SRRM3: variants seen among roughly 807,000 people sequenced by gnomAD.
SRRM3 encodes serine/arginine repetitive matrix 3.
SRRM3 carries 27 observed loss-of-function variants against 66.2 expected under a neutral mutation model. The observed-to-expected ratio is 0.41, with a 90% CI of 0.30 to 0.56. The LOEUF (loss-of-function observed/expected upper bound fraction) is 0.56, where lower values mean the gene tolerates loss of function less well. Among genes scored for constraint, SRRM3 ranks in the 20% least tolerant of loss-of-function variants. The pLI, the probability that SRRM3 is intolerant of heterozygous loss-of-function variation, is 0.32. For synonymous variants in SRRM3, 391 were observed against 414.9 expected, an observed-to-expected ratio of 0.94 and a Z score of 0.70; for missense variants, 918 against 991.9, an observed-to-expected ratio of 0.93 and a Z score of 1.00.
rs535361775 is a variant in SRRM3, at chr7:76,286,834, A to T, written c.*991A>T. On this transcript the variant is annotated 3_prime_UTR_variant, in exon 15 of 15. Coordinates refer to ENST00000611745, the MANE Select transcript of SRRM3 (RefSeq NM_001110199.3). ...CAGCTGACAGGTCAGCAGTGCCCCC[A>T]GCCCCACCCAAGAGGAGGGCAGCGT... is the stretch of plus-strand genomic sequence containing the variant. 6.6e-6 allele frequency: 1 copy of T among 152,488 alleles called. No individual in the cohort carries two copies. The highest frequency in any genetic ancestry group is 2.1e-4 in the South Asian group (1 of 4,834). The allele number at this position is 152,488 out of a possible 1,614,324, so 9.4% of individuals were successfully genotyped here.
intron 2 of SRRM3, among the ~76,000 whole-genome samples, chr7:76,242,571 G>A (rs1182149330): frequency 6.6e-6 from 1 of 152,018 alleles, no homozygotes; most frequent in African/African-American, 2.4e-5. Flanking sequence ...TGCATTTATT[G>A]TGCACTTTAT....
intron 2 of SRRM3, among the ~76,000 whole-genome samples, chr7:76,239,425 G>A (rs782383238): frequency 2.0e-5 from 3 of 152,162 alleles, no homozygotes; most frequent in Non-Finnish European, 4.4e-5. Flanking sequence ...TCCAGCCGCT[G>A]TGGCTCATGC....
intron 3 of SRRM3, among the ~76,000 whole-genome samples, chr7:76,258,196 G>A (rs1018884937): frequency 6.6e-6 from 1 of 152,184 alleles, no homozygotes; most frequent in Admixed American, 6.5e-5. Flanking sequence ...TGCCAGAGAT[G>A]AGCAGGGGGG....
At chr7:76,204,649 G>A (rs1281704857) in intron 1 of SRRM3, among the ~76,000 whole-genome samples, 2 of 152,166 alleles carry the variant, frequency 1.3e-5, no homozygotes, top group African/African-American at 4.8e-5. Flanking sequence ...ACATGGTGAA[G>A]GCAACTGAAG....
chr7:76,221,841 G>A (rs900474407), intron 1 of SRRM3, among the ~76,000 whole-genome samples: 3 of 152,218 alleles, frequency 2.0e-5, no homozygotes, highest in East Asian at 3.8e-4. Flanking sequence ...TGCCTGTAAT[G>A]GTTTAGACTG....
Position 76,235,156 on chromosome 7 carries a change from G to A in SRRM3, c.90G>A (p.Gly30=). The part of the protein sequence containing the change: ...NGFPQPSSSS[G]TWPRAEEELR... The stretch of plus-strand genomic sequence containing the variant: ...TCCCGCAGCCCAGCTCCTCCTCGGG[G>A]ACCTGGCCGCGGGCGGAAGAGGAGC... The change falls in exon 2 of 15, where the codon GGG becomes GGA. Residue 30 remains glycine, a synonymous_variant. Coordinates refer to ENST00000611745, the MANE Select transcript of SRRM3 (RefSeq NM_001110199.3). 2 of 1,558,440 alleles carry A rather than the reference G, an allele frequency of 1.3e-6. No homozygotes were observed. The highest frequency in any genetic ancestry group is 2.3e-5 in the South Asian group (2 of 85,456).
chr7:76,253,407 G>A (rs1184968161), intron 3 of SRRM3, among the ~76,000 whole-genome samples: 1 of 151,932 alleles, frequency 6.6e-6, no homozygotes, highest in Non-Finnish European at 1.5e-5. Context: ...GGATCATGAG[G>A]TCAGGAGTTC....
chr7:76,215,150 G>GC (rs1211990160), intron 1 of SRRM3, among the ~76,000 whole-genome samples: 5 of 151,202 alleles, frequency 3.3e-5, no homozygotes, highest in Non-Finnish European at 7.4e-5. Flanking sequence ...GTCAATTACA[G>GC]CCCCCAAAAC....
At position 76,226,565 on chromosome 7, in the gene SRRM3, G is replaced by GTTATTTAT. The variant is rs201770924; in HGVS notation, c.-39-8436_-39-8429dup. 2.6e-4 allele frequency among the ~76,000 whole-genome samples: 38 copies of GTTATTTAT among 148,324 alleles called. 1 individual carries two copies. Among genetic ancestry groups the GTTATTTAT allele is most frequent in the Middle Eastern group, 3.4e-3 (1 of 292 alleles). ...AAAGGAAGTGGGCTGAAGGTCTGGT[G>GTTATTTAT]TTATTTATTTATTTATTTATTTATT... On this transcript the variant is annotated intron_variant, in intron 1 of 14. Transcript: ENST00000611745.
intron 3 of SRRM3, among the ~76,000 whole-genome samples, chr7:76,250,543 G>A (rs927293133): frequency 5.3e-5 from 8 of 152,096 alleles, no homozygotes; most frequent in Admixed American, 3.3e-4. Flanking sequence ...CTTAGTCATC[G>A]TAAAGGCTGG....
chr7:76,264,637 C>A, intron 8 of SRRM3, 128 bp from the exon 9 acceptor site: 2 of 926,678 alleles, frequency 2.2e-6, no homozygotes, highest in Admixed American at 2.7e-5. Flanking sequence ...AAGTCCCCGC[C>A]AGCCATGGGG....
In SRRM3 at chr7:76,285,934, T is replaced by G; in HGVS notation, c.*91T>G. 3.8e-5 allele frequency: 51 copies of G among 1,348,016 alleles called. No individual in the cohort carries two copies. The highest frequency in any genetic ancestry group is 4.1e-5 in the Non-Finnish European group (41 of 996,788). 83.5% of individuals were successfully genotyped at this position (1,348,016 alleles called of 1,614,324 possible). A position where few individuals can be genotyped will look rare whatever the true frequency, so the allele number is the denominator to read the frequency against. ...CCAGTGGGGAGGGGGCTATATCTCC[T>G]TGCCCCCAAGGCTACAAAGAGGTCT... On this transcript the variant is annotated 3_prime_UTR_variant, in exon 15 of 15. Transcript: ENST00000611745. The surrounding 1 kb of genome is among the most constrained non-coding windows in gnomAD (Gnocchi z 4.1).
chr7:76,211,185 G>A (rs1360130122), intron 1 of SRRM3, among the ~76,000 whole-genome samples: 1 of 152,224 alleles, frequency 6.6e-6, no homozygotes, highest in African/African-American at 2.4e-5. Context: ...GTGTGGGGAA[G>A]GACTCCCTGA....
At chr7:76,255,144 C>CTTTTTTTT (rs1309988503) in intron 3 of SRRM3, among the ~76,000 whole-genome samples, 3 of 70,306 alleles carry the variant, frequency 4.3e-5, no homozygotes, top group Admixed American at 1.5e-4. Flanking sequence ...TTCTTTCTTT[C>CTTTTTTTT]TTTCTTTTTT....
At chr7:76,217,280 CTTTTG>C (rs1289074732) in intron 1 of SRRM3, among the ~76,000 whole-genome samples, 1 of 152,042 alleles carries the variant, frequency 6.6e-6, no homozygotes, top group African/African-American at 2.4e-5. Context: ...GCAAATGCAG[CTTTTG>C]TTTTGTTTTG....
intron 11 of SRRM3, among the ~76,000 whole-genome samples, chr7:76,270,438 G>C (rs1381434882): frequency 6.6e-6 from 1 of 152,184 alleles, no homozygotes; most frequent in Non-Finnish European, 1.5e-5. Flanking sequence ...CACTTTGGGA[G>C]GCTGAGGGGG....
intron 8 of SRRM3, 32 bp from the exon 9 acceptor site, chr7:76,264,733 C>T: frequency 6.2e-7 from 1 of 1,613,200 alleles, no homozygotes. Context: ...CTCCCCGGGC[C>T]ACACCATCAC....
chr7:76,279,538 G>A (rs1182796252), intron 11 of SRRM3, among the ~76,000 whole-genome samples: 5 of 150,090 alleles, frequency 3.3e-5, no homozygotes, highest in African/African-American at 7.4e-5. Context: ...CCAAGGACAG[G>A]AGGAGGGATC....
chr7:76,265,577 G>T, intron 10 of SRRM3, 109 bp downstream of exon 10: 2 of 863,972 alleles, frequency 2.3e-6, no homozygotes, highest in Non-Finnish European at 3.4e-6. Flanking sequence ...TCAATTCATC[G>T]GTGGGTAGAA....
Sources: gnomAD v4.1 joint callset for allele counts (sites outside exome capture counted in the v4.1 genomes callset) on GRCh38, gnomAD v4.1.1 for gene constraint, Gnocchi (gnomAD v3.1) non-coding constraint, MANE v1.5 for transcripts, NCBI Gene and HGNC (gene_info 2026-07-23, HGNC 2026-07-21) for gene names.